PROC: variants seen among roughly 807,000 people sequenced by gnomAD.
The protein encoded by PROC is protein C, inactivator of coagulation factors Va and VIIIa, also known as vitamin K-dependent protein C.
In PROC, 22 loss-of-function variants were observed where a neutral mutation model predicts 36.3. The observed-to-expected ratio is 0.61, with a 90% CI of 0.43 to 0.86. The LOEUF is 0.86. Among genes scored for constraint, PROC ranks in the 40% least tolerant of loss-of-function variants. The pLI is 0.00. For missense variants in PROC, 526 were observed against 629.7 expected (o/e 0.84, Z 1.76); for synonymous variants, 218 against 244.5 (o/e 0.89, Z 1.01).
At chr2:127,427,310 C>A in intron 8 of PROC, 88 bp downstream of exon 8, 1 of 1,180,210 alleles carries the variant, frequency 8.5e-7, no homozygotes, top group Non-Finnish European at 1.2e-6. Flanking sequence ...GACCCCGCTC[C>A]CCAGGTGCTT....
chr2:127,427,026 T>G, intron 7 of PROC, 79 bp from the exon 8 acceptor site: 1 of 1,216,098 alleles, frequency 8.2e-7, no homozygotes, highest in African/African-American at 1.5e-5. Context: ...CCCAGGAAAG[T>G]GCATATGAAA....
At position 127,419,821 on chromosome 2, in the gene PROC, C is replaced by T; in HGVS notation, c.-21-101C>T. ...TCAATCCCAGCTTCCGCCCTGACGG[C>T]CAGCACACAGGGACAGCCCTTTCAT... On this transcript the variant is annotated intron_variant, in intron 1 of 8. Transcript: ENST00000234071. The T allele has an allele frequency of 3.8e-6, 6 of 1,591,432 alleles. No homozygotes were observed. The Middle Eastern group carries it at 6.9e-4, about 182-fold the overall frequency.
intron 3 of PROC, among the ~76,000 whole-genome samples, 167 bp from the exon 4 acceptor site, chr2:127,422,750 G>C (rs1688180332): frequency 6.6e-6 from 1 of 152,074 alleles, no homozygotes; most frequent in South Asian, 2.1e-4. Context: ...GGCGGGGGAG[G>C]GGCAGGGAGC....
At chr2:127,420,638 C>T (rs1688039521) in intron 2 of PROC, among the ~76,000 whole-genome samples, 1 of 151,976 alleles carries the variant, frequency 6.6e-6, no homozygotes, top group Non-Finnish European at 1.5e-5. Flanking sequence ...CTTGCTCACA[C>T]CCCCAACTTG....
chr2:127,425,219 G>A (rs992612931), intron 6 of PROC, among the ~76,000 whole-genome samples: 2 of 152,200 alleles, frequency 1.3e-5, no homozygotes, highest in Non-Finnish European at 2.9e-5. Context: ...CCCCCATCAC[G>A]GGCTGAGATT....
chr2:127,419,606 T>C, intron 1 of PROC: 1 of 436,766 alleles, frequency 2.3e-6, no homozygotes, highest in South Asian at 2.1e-5. Context: ...CAACGTTAGC[T>C]AATATTCTCA....
At chr2:127,425,409 G>C (rs1688426144) in intron 6 of PROC, among the ~76,000 whole-genome samples, 1 of 152,236 alleles carries the variant, frequency 6.6e-6, no homozygotes, top group African/African-American at 2.4e-5. Flanking sequence ...ATTTTGAGCA[G>C]AGTCGGGCCG....
In PROC at chr2:127,419,755, C is replaced by T. The variant is rs538906281; in HGVS notation, c.-21-167C>T. On this transcript the variant is annotated intron_variant, in intron 1 of 8. Coordinates refer to ENST00000234071, the MANE Select transcript of PROC (RefSeq NM_000312.4). The stretch of plus-strand genomic sequence containing the variant: ...GCTCAGCCCCACGTAGAGCGGGCAG[C>T]CGAGGCCTTCTGAGGCTATGTCTCT... 3.4e-6 allele frequency: 5 copies of T among 1,466,012 alleles called. No individual in the cohort carries two copies. In the East Asian group the frequency reaches 1.0e-4, roughly 29 times the overall value. 90.8% of individuals were successfully genotyped at this position (1,466,012 alleles called of 1,614,324 possible). A position where few individuals can be genotyped will look rare whatever the true frequency, so the allele number is the denominator to read the frequency against.
Position 127,426,173 on chromosome 2 carries a change from A to T in PROC, c.624A>T (p.Val208=). The T allele has an allele frequency of 1.2e-6, 2 of 1,614,114 alleles. No homozygotes were observed. The highest frequency in any genetic ancestry group is 1.7e-6 in the Non-Finnish European group (2 of 1,180,032). Residue 208 remains valine (V), a synonymous_variant, in exon 7 of 9, where the codon GTA becomes GTT. Coordinates refer to ENST00000234071, the MANE Select transcript of PROC (RefSeq NM_000312.4). This position sits in a 1 kb window ranked among gnomAD's most constrained non-coding sequence, Gnocchi z 7.0. ...KRDTEDQEDQ[V]DPRLIDGKMT... is the part of the protein sequence containing the mutation. ...ACACAGAAGACCAAGAAGACCAAGT[A>T]GATCCGCGGCTCATTGATGGGAAGA...
chr2:127,429,005 T>C lies in PROC; in HGVS notation c.*59T>C. The C allele has an allele frequency of 2.5e-6, 4 of 1,576,284 alleles. No homozygotes were observed. The highest frequency in any genetic ancestry group is 1.1e-5 in the South Asian group (1 of 90,170). On this transcript the variant is annotated 3_prime_UTR_variant, in exon 9 of 9. Transcript: ENST00000234071. ...CAATGGATGGGACATTAAAGGGACA[T>C]GTAACAAGCACACCGGCCTGCTGTT...
At chr2:127,421,603 G>A (rs149503686) in intron 3 of PROC, among the ~76,000 whole-genome samples, 154 bp downstream of exon 3, 188 of 152,210 alleles carry the variant, frequency 1.2e-3, no homozygotes, top group African/African-American at 3.9e-3. Flanking sequence ...CTATGATGTC[G>A]GCCAGGCACA....
intron 1 of PROC, 57 bp from the exon 2 acceptor site, chr2:127,419,865 T>A: frequency 1.2e-6 from 2 of 1,612,522 alleles, no homozygotes; most frequent in East Asian, 2.2e-5. Flanking sequence ...CACCTGGGGG[T>A]GCAGGCAGAG....
Position 127,423,189 on chromosome 2 carries a change from A to C in PROC, c.400+18A>C. ...CCAGCGCGGTGAGGGGGAGAGGTGG[A>C]TGCTGGCGGGCGGCGGGGCGGGGCT... On this transcript the variant is annotated intron_variant, in intron 5 of 8. Transcript: ENST00000234071. 1 of 1,322,382 alleles carries C rather than the reference A, an allele frequency of 7.6e-7. No individual in the cohort carries two copies. Among genetic ancestry groups the C allele is most frequent in the Non-Finnish European group, 1.0e-6 (1 of 978,590 alleles). 81.9% of individuals were successfully genotyped at this position (1,322,382 alleles called of 1,614,324 possible).
chr2:127,423,102 T>C lies in PROC; in HGVS notation c.331T>C (p.Cys111Arg). The change falls in exon 5 of 9, where the codon TGC becomes CGC. Residue 111 changes from cysteine (C) to arginine (R), a missense_variant. Cys to Arg is a radical substitution (Grantham distance 180, BLOSUM62 -3). Coordinates refer to ENST00000234071, the MANE Select transcript of PROC (RefSeq NM_000312.4). ...CAGCCTGTGCTGCGGGCACGGCACG[T>C]GCATCGACGGCATCGGCAGCTTCAG... ...CASLCCGHGT[C>R]IDGIGSFSCD... The C allele has an allele frequency of 2.5e-6, 4 of 1,609,758 alleles. No homozygotes were observed. The highest frequency in any genetic ancestry group is 3.4e-6 in the Non-Finnish European group (4 of 1,178,270).
intron 3 of PROC, among the ~76,000 whole-genome samples, chr2:127,422,534 C>A (rs984310262): frequency 2.0e-5 from 3 of 152,274 alleles, no homozygotes; most frequent in Admixed American, 1.3e-4. Context: ...AGGCGCGATG[C>A]TCAGGGGTCC....
In PROC at chr2:127,418,884, C is replaced by A. The variant is rs566914899; in HGVS notation, c.-22+392C>A. ...TAGGGTGTGCAGAGGGCCACGTGGC[C>A]TATCCACTGGGGAGGGTTCCTTGAT... is the stretch of plus-strand genomic sequence containing the variant. On this transcript the variant is annotated intron_variant, in intron 1 of 8. Coordinates refer to ENST00000234071, the MANE Select transcript of PROC (RefSeq NM_000312.4). This position sits in a 1 kb window ranked among gnomAD's most constrained non-coding sequence, Gnocchi z 4.8. Among the ~76,000 whole-genome samples the A allele has an allele frequency of 6.6e-6, 1 of 152,286 alleles. No homozygotes were observed. The highest frequency in any genetic ancestry group is 2.1e-4 in the South Asian group (1 of 4,828).
At chr2:127,422,661 A>C (rs192446402) in intron 3 of PROC, among the ~76,000 whole-genome samples, 2 of 151,714 alleles carry the variant, frequency 1.3e-5, no homozygotes, top group Non-Finnish European at 2.9e-5. Flanking sequence ...TCGCGAGAGC[A>C]GCACTGCAGC....
intron 3 of PROC, among the ~76,000 whole-genome samples, chr2:127,421,867 G>A (rs946816820): frequency 6.6e-6 from 1 of 152,238 alleles, no homozygotes; most frequent in Non-Finnish European, 1.5e-5. Flanking sequence ...CTCACTCTGT[G>A]CCTCACATCA....
rs1317848742 is a variant in PROC at position 127,428,743 on chromosome 2, C to G, written c.1183C>G (p.Gln395Glu). 6.2e-7 allele frequency: 1 copy of G among 1,613,282 alleles called. No homozygotes were observed. Among genetic ancestry groups the G allele is most frequent in the African/African-American group, 1.3e-5 (1 of 74,954 alleles). ...MLCAGILGDR[Q>E]DACEGDSGGP... is the part of the protein sequence containing the mutation. ...GTGTGCGGGCATCCTCGGGGACCGGCAGGATGCCTGCGAGGGCGACAGTGG... is the reference window on the plus strand; with the variant it reads ...GTGTGCGGGCATCCTCGGGGACCGGGAGGATGCCTGCGAGGGCGACAGTGG... The change falls in exon 9 of 9, where the codon CAG becomes GAG. Residue 395 changes from glutamine (Q) to glutamate (E), a missense_variant. Physicochemically the swap from Gln to Glu is conservative, Grantham distance 29. Coordinates refer to ENST00000234071, the MANE Select transcript of PROC (RefSeq NM_000312.4).
Sources: allele counts gnomAD v4.1 joint callset (sites outside exome capture counted in the v4.1 genomes callset), GRCh38; gene constraint gnomAD v4.1.1; non-coding constraint Gnocchi (gnomAD v3.1); transcripts MANE v1.5; gene names NCBI Gene and HGNC (gene_info 2026-07-23, HGNC 2026-07-21).